The following CNTNAP2 variants were observed in gnomAD, a reference collection of about 807,000 sequenced individuals.
CNTNAP2 encodes contactin-associated protein-like 2.
Under a neutral mutation model 155.2 loss-of-function variants are expected in CNTNAP2, and 98 were observed. The ratio of observed to expected loss-of-function variants is 0.63; its 90% CI spans 0.54 to 0.75. CNTNAP2 has a LOEUF of 0.75. Ranked by LOEUF, CNTNAP2 falls within the 30% of genes least tolerant of loss-of-function variation. The pLI is 0.00. For missense variants in CNTNAP2, 1,727 were observed against 1,688.1 expected, an observed-to-expected ratio of 1.02 and a Z score of -0.40; for synonymous variants, 651 against 631.2, an observed-to-expected ratio of 1.03 and a Z score of -0.47.
In CNTNAP2 at chr7:147,414,670, G is replaced by A. The variant is rs1036890680; in HGVS notation, c.1670+18890G>A. On this transcript the variant is annotated intron_variant, in intron 10 of 23. Coordinates refer to ENST00000361727, the MANE Select transcript of CNTNAP2 (RefSeq NM_014141.6). ...TTAAGAAATGGATTCTCCCAGGTGC[G>A]GTGGCTCACGCCTGTAATCCCAGCA... is the stretch of plus-strand genomic sequence containing the variant. Among the ~76,000 whole-genome samples, 4 of 151,050 alleles carry A rather than the reference G, an allele frequency of 2.6e-5. No individual in the cohort carries two copies. In the East Asian group the frequency reaches 6.0e-4, roughly 23 times the overall value.
intron 1 of CNTNAP2, among the ~76,000 whole-genome samples, chr7:146,763,212 C>A (rs1802135070): frequency 6.6e-6 from 1 of 152,148 alleles, no homozygotes; most frequent in Non-Finnish European, 1.5e-5. Context: ...AACATACCCA[C>A]CTTGTTCCTG....
chr7:147,008,171 G>T (rs1344959589), intron 3 of CNTNAP2, among the ~76,000 whole-genome samples: 1 of 151,976 alleles, frequency 6.6e-6, no homozygotes, highest in African/African-American at 2.4e-5. Context: ...ACTATCATTT[G>T]TAGTAACAAT....
chr7:146,181,246 A>C (rs1798545308), intron 1 of CNTNAP2, among the ~76,000 whole-genome samples: 1 of 152,178 alleles, frequency 6.6e-6, no homozygotes, highest in African/African-American at 2.4e-5. Context: ...TGATGCCAAA[A>C]TAAATAGAAT....
At chr7:147,612,991 T>C (rs1801216350) in intron 12 of CNTNAP2, among the ~76,000 whole-genome samples, 1 of 152,230 alleles carries the variant, frequency 6.6e-6, no homozygotes, top group African/African-American at 2.4e-5. Context: ...AAACAATATT[T>C]ACAAAATATT....
intron 2 of CNTNAP2, among the ~76,000 whole-genome samples, chr7:146,804,319 C>A (rs1208934983): frequency 6.6e-6 from 1 of 152,038 alleles, no homozygotes; most frequent in Admixed American, 6.6e-5. Context: ...ATTGATCATG[C>A]TCATTTATAA....
intron 8 of CNTNAP2, among the ~76,000 whole-genome samples, chr7:147,237,091 T>C (rs961305312): frequency 8.2e-6 from 1 of 122,336 alleles, no homozygotes; most frequent in African/African-American, 3.0e-5. Context: ...TTTTTGACAG[T>C]GTCTTGCTCT....
intron 15 of CNTNAP2, among the ~76,000 whole-genome samples, chr7:148,109,106 C>A (rs1176913938): frequency 6.6e-6 from 1 of 152,192 alleles, no homozygotes; most frequent in Non-Finnish European, 1.5e-5. Context: ...CTTGGCCAAG[C>A]CCTTGCACAG....
intron 23 of CNTNAP2, among the ~76,000 whole-genome samples, chr7:148,410,800 G>A (rs1365955837): frequency 6.6e-6 from 1 of 152,040 alleles, no homozygotes; most frequent in Non-Finnish European, 1.5e-5. Context: ...GGAGGAGGAA[G>A]GAGAATGAAG....
chr7:146,388,751 C>T (rs1449823837), intron 1 of CNTNAP2, among the ~76,000 whole-genome samples: 2 of 152,148 alleles, frequency 1.3e-5, no homozygotes, highest in Admixed American at 6.6e-5. Flanking sequence ...TAACTCCTCA[C>T]CAGCCCCCCA....
At chr7:146,729,254 T>G (rs1563207229) in intron 1 of CNTNAP2, among the ~76,000 whole-genome samples, 1 of 152,124 alleles carries the variant, frequency 6.6e-6, no homozygotes, top group Admixed American at 6.5e-5. Flanking sequence ...CATACACATA[T>G]ACTGTTGAGA....
chr7:148,282,784 G>A (rs767551569), intron 21 of CNTNAP2, among the ~76,000 whole-genome samples: 3 of 152,124 alleles, frequency 2.0e-5, no homozygotes, highest in Non-Finnish European at 2.9e-5. Flanking sequence ...AAAATGTGAT[G>A]AGAGATCAGA....
chr7:147,238,305 G>A (rs747138451), intron 8 of CNTNAP2, among the ~76,000 whole-genome samples: 1 of 152,040 alleles, frequency 6.6e-6, no homozygotes, highest in Non-Finnish European at 1.5e-5. Context: ...GTGAGCCACC[G>A]TGCCCGGCCT....
intron 21 of CNTNAP2, among the ~76,000 whole-genome samples, chr7:148,287,808 T>G (rs1585243979): frequency 7.3e-6 from 1 of 137,078 alleles, no homozygotes; most frequent in East Asian, 2.1e-4. Flanking sequence ...TTTTTTTTTT[T>G]GAATTGGAGT....
rs187766130 is a variant in CNTNAP2 at position 147,417,452 on chromosome 7, G to A, written c.1670+21672G>A. Among the ~76,000 whole-genome samples the A allele has an allele frequency of 1.4e-4, 21 of 152,164 alleles. No individual in the cohort carries two copies. The East Asian group carries it at 1.5e-3, about 11-fold the overall frequency. ...TTAAATAACAGCATTAATCCTATTCGTGAAAGTGGGGCCCTCCTAAAAGCC... is the reference window on the plus strand; with the variant it reads ...TTAAATAACAGCATTAATCCTATTCATGAAAGTGGGGCCCTCCTAAAAGCC... On this transcript the variant is annotated intron_variant, in intron 10 of 23. Transcript: ENST00000361727.
chr7:146,488,003 A>G (rs756587318), intron 1 of CNTNAP2, among the ~76,000 whole-genome samples: 8 of 152,218 alleles, frequency 5.3e-5, no homozygotes, highest in Non-Finnish European at 8.8e-5. Flanking sequence ...AGAAAAAAAG[A>G]CTAATGGCTA....
chr7:148,318,564 T>C (rs970809253), intron 21 of CNTNAP2, among the ~76,000 whole-genome samples: 2 of 152,310 alleles, frequency 1.3e-5, no homozygotes, highest in South Asian at 2.1e-4. Flanking sequence ...TGTTTCTCAC[T>C]AGGTGTTTGG....
At chr7:147,783,796 CAAG>C (rs1563087724) in intron 13 of CNTNAP2, among the ~76,000 whole-genome samples, 1 of 152,134 alleles carries the variant, frequency 6.6e-6, no homozygotes, top group Non-Finnish European at 1.5e-5. Context: ...AAAGACACAG[CAAG>C]AAGGCTGCTG....
chr7:147,784,709 T>TTA (rs1286020611), intron 13 of CNTNAP2, among the ~76,000 whole-genome samples: 1 of 150,608 alleles, frequency 6.6e-6, no homozygotes, highest in Non-Finnish European at 1.5e-5. Context: ...TTGTGTTTTT[T>TTA]TATATATATA....
chr7:146,974,098 T>C (rs1026519432), intron 3 of CNTNAP2, among the ~76,000 whole-genome samples: 2 of 152,156 alleles, frequency 1.3e-5, no homozygotes, highest in Admixed American at 1.3e-4. Context: ...TAATCATAGT[T>C]ATGTTGTTGC....
Sources: gnomAD v4.1 joint callset for allele counts (sites outside exome capture counted in the v4.1 genomes callset) on GRCh38, gnomAD v4.1.1 for gene constraint, MANE v1.5 for transcripts, NCBI Gene and HGNC (gene_info 2026-07-23, HGNC 2026-07-21) for gene names.